Variants in ZNF385B observed in about 807,000 individuals in gnomAD.
ZNF385B encodes the protein zinc finger protein 533.
ZNF385B carries 23 observed loss-of-function variants against 39.2 expected under a neutral mutation model. The observed-to-expected ratio is 0.59, with a 90% CI of 0.42 to 0.83. ZNF385B has a LOEUF of 0.83. ZNF385B is among the 40% of genes least tolerant of loss of function. ZNF385B has a pLI of 0.00. For missense variants in ZNF385B, 552 were observed against 598.9 expected (o/e 0.92, Z 0.82); for synonymous variants, 205 against 222.6 (o/e 0.92, Z 0.70).
At chr2:179,471,987 A>G (rs2052823944) in intron 6 of ZNF385B, among the ~76,000 whole-genome samples, 1 of 152,136 alleles carries the variant, frequency 6.6e-6, no homozygotes, top group African/African-American at 2.4e-5. Flanking sequence ...TTTTTCATTG[A>G]TACGAATGCT....
chr2:179,716,839 C>G (rs1212029995), intron 3 of ZNF385B, among the ~76,000 whole-genome samples: 2 of 152,142 alleles, frequency 1.3e-5, no homozygotes, highest in Non-Finnish European at 1.5e-5. Context: ...CCCACACTAG[C>G]CTGTATGAAG....
intron 3 of ZNF385B, among the ~76,000 whole-genome samples, chr2:179,576,855 A>G (rs1685880235): frequency 6.6e-6 from 1 of 152,120 alleles, no homozygotes; most frequent in Non-Finnish European, 1.5e-5. Flanking sequence ...AGTTCAACAA[A>G]CACAGGGTAA....
At chr2:179,493,794 C>CATATGTGTATATACATATATGTATAA (rs1559338627) in intron 5 of ZNF385B, among the ~76,000 whole-genome samples, 5 of 97,370 alleles carry the variant, frequency 5.1e-5, no homozygotes, top group African/African-American at 1.1e-4. Context: ...CATATGTATA[C>CATATGTGTATATACATATATGTATAA]ATATATGTAT....
At chr2:179,797,086 C>T (rs560734876) in intron 1 of ZNF385B, among the ~76,000 whole-genome samples, 6 of 152,042 alleles carry the variant, frequency 3.9e-5, no homozygotes, top group African/African-American at 7.2e-5. Flanking sequence ...ACCAGTGATT[C>T]TTCTTAATAT....
intron 1 of ZNF385B, among the ~76,000 whole-genome samples, chr2:179,806,855 T>G (rs1451380000): frequency 4.6e-5 from 7 of 152,208 alleles, no homozygotes; most frequent in Non-Finnish European, 7.3e-5. Context: ...ATCTGACTAG[T>G]AATCAGGGAA....
intron 3 of ZNF385B, among the ~76,000 whole-genome samples, chr2:179,571,120 T>C (rs1474822590): frequency 1.3e-5 from 2 of 152,220 alleles, no homozygotes; most frequent in Non-Finnish European, 2.9e-5. Context: ...ATTTAAACAC[T>C]GCTTGTGGGG....
chr2:179,624,749 T>C (rs1690509473), intron 3 of ZNF385B, among the ~76,000 whole-genome samples: 1 of 152,190 alleles, frequency 6.6e-6, no homozygotes, highest in South Asian at 2.1e-4. Context: ...GGGAAGTCGG[T>C]AAACTTGCTA....
At chr2:179,781,411 G>T (rs1704656447) in intron 1 of ZNF385B, among the ~76,000 whole-genome samples, 1 of 152,136 alleles carries the variant, frequency 6.6e-6, no homozygotes. Context: ...GTGGTAAAAG[G>T]ATAGTAATTT....
At chr2:179,520,444 A>T (rs148414910) in intron 4 of ZNF385B, among the ~76,000 whole-genome samples, 195 of 152,302 alleles carry the variant, frequency 1.3e-3, no homozygotes, top group African/African-American at 4.6e-3. Context: ...TGAGAATAAT[A>T]ATTTAAAAAA....
intron 3 of ZNF385B, among the ~76,000 whole-genome samples, chr2:179,636,364 A>G (rs189461345): frequency 6.4e-4 from 98 of 152,316 alleles, no homozygotes; most frequent in African/African-American, 2.3e-3. Context: ...TATACACAGA[A>G]GTGACTGCAG....
intron 3 of ZNF385B, among the ~76,000 whole-genome samples, chr2:179,657,116 G>A (rs529544412): frequency 6.6e-5 from 10 of 152,256 alleles, no homozygotes; most frequent in Non-Finnish European, 1.3e-4. Flanking sequence ...GGGGAAGAGC[G>A]GAGAGCCTCT....
intron 1 of ZNF385B, among the ~76,000 whole-genome samples, chr2:179,859,203 A>C (rs532568989): frequency 6.6e-6 from 1 of 152,348 alleles, no homozygotes; most frequent in African/African-American, 2.4e-5. Flanking sequence ...TTTGGGTGAC[A>C]GGTACTAATG....
rs574310882 is a variant in ZNF385B, at chr2:179,848,222, C to T, written c.-155+12879G>A. 2.3e-4 allele frequency among the ~76,000 whole-genome samples: 35 copies of T among 152,280 alleles called. No individual in the cohort carries two copies. The East Asian group carries it at 6.8e-3, about 29-fold the overall frequency. On this transcript the variant is annotated intron_variant, in intron 1 of 9. Transcript: ENST00000410066. The stretch of plus-strand genomic sequence containing the variant: ...TCTGCTAGCAGGCTGCACAGTATCT[C>T]AGAGGTACAGGTTTACTCAGGACTG...
chr2:179,655,447 T>G lies in ZNF385B; in HGVS notation c.299-110478A>C, dbSNP rs535592521. On this transcript the variant is annotated intron_variant, in intron 3 of 9. Transcript: ENST00000410066. The stretch of plus-strand genomic sequence containing the variant: ...AGCACTTCCCTTCTCCATTGGAGTT[T>G]TGTCTCTAGAGGTATTAAATATTAA... Among the ~76,000 whole-genome samples the G allele has an allele frequency of 7.2e-5, 11 of 152,054 alleles. No homozygotes were observed. In the South Asian group the frequency reaches 2.3e-3, roughly 32 times the overall value.
chr2:179,510,233 A>G (rs1311457334), intron 5 of ZNF385B, among the ~76,000 whole-genome samples: 2 of 152,086 alleles, frequency 1.3e-5, no homozygotes, highest in Admixed American at 6.6e-5. Flanking sequence ...ATGTGTGTAT[A>G]TATATGTGAA....
At chr2:179,828,705 T>C (rs958204406) in intron 1 of ZNF385B, among the ~76,000 whole-genome samples, 74 of 152,294 alleles carry the variant, frequency 4.9e-4, no homozygotes, top group African/African-American at 1.8e-3. Flanking sequence ...AACTTTAAAA[T>C]CTTTTCTTTA....
chr2:179,767,419 C>A (rs926791509), intron 3 of ZNF385B, among the ~76,000 whole-genome samples: 8 of 152,156 alleles, frequency 5.3e-5, no homozygotes, highest in African/African-American at 1.9e-4. Flanking sequence ...CAGCCCTCCA[C>A]TCTAAGTTCT....
At chr2:179,666,286 C>G (rs1695147136) in intron 3 of ZNF385B, among the ~76,000 whole-genome samples, 2 of 152,122 alleles carry the variant, frequency 1.3e-5, no homozygotes, top group South Asian at 2.1e-4. Flanking sequence ...GTTGAGTTAG[C>G]TGAAGTCAAA....
chr2:179,676,028 T>G (rs1696723802), intron 3 of ZNF385B, among the ~76,000 whole-genome samples: 1 of 146,382 alleles, frequency 6.8e-6, no homozygotes, highest in Admixed American at 6.8e-5. Context: ...ACCTCGTGAT[T>G]GGCCCACCCT....
Sources: gnomAD v4.1 joint callset for allele counts (sites outside exome capture counted in the v4.1 genomes callset) on GRCh38, gnomAD v4.1.1 for gene constraint, MANE v1.5 for transcripts, NCBI Gene and HGNC (gene_info 2026-07-23, HGNC 2026-07-21) for gene names.